The following NUBP1 variants were observed in gnomAD, a reference collection of about 807,000 sequenced individuals.
NUBP1 encodes cytosolic Fe-S cluster assembly factor NUBP1.
A neutral mutation model predicts 41.8 loss-of-function variants in NUBP1; 46 were observed. The observed-to-expected ratio is 1.10, with a 90% CI of 0.87 to 1.41. NUBP1 has a LOEUF of 1.41. NUBP1 is among the 40% of genes most tolerant of loss of function. The pLI, the probability that NUBP1 is intolerant of heterozygous loss-of-function variation, is 0.00. For synonymous variants in NUBP1, 189 were observed against 154.6 expected, an observed-to-expected ratio of 1.22 and a Z score of -1.65; for missense variants, 494 against 414.0, an observed-to-expected ratio of 1.19 and a Z score of -1.68.
Position 10,761,458 on chromosome 16 carries a change from TCTGTC to T in NUBP1, c.704_708del (p.Cys235Ter), listed in dbSNP as rs1482592164. The T allele has an allele frequency of 6.2e-7, 1 of 1,613,970 alleles. No homozygotes were observed. The highest frequency in any genetic ancestry group is 8.5e-7 in the Non-Finnish European group (1 of 1,179,890). ...GTGGTGGAGAACATGAGTGGCTTCA[TCTGTC>T]CTAAGTGCAAGGTGAGGGCGCGTGG... On this transcript the variant is annotated frameshift_variant, in exon 8 of 11. Transcript: ENST00000283027. LOFTEE classifies it high-confidence loss of function.
chr16:10,749,719 T>C lies in NUBP1; in HGVS notation c.258+2443T>C, dbSNP rs891820838. 6.6e-6 allele frequency among the ~76,000 whole-genome samples: 1 copy of C among 152,232 alleles called. No individual in the cohort carries two copies. Among genetic ancestry groups the C allele is most frequent in the Admixed American group, 6.5e-5 (1 of 15,270 alleles). On this transcript the variant is annotated intron_variant, in intron 3 of 10. Coordinates refer to ENST00000283027, the MANE Select transcript of NUBP1 (RefSeq NM_002484.4). This position sits in a 1 kb window ranked among gnomAD's most constrained non-coding sequence, Gnocchi z 4.1. ...GGGTGGTGGGACATGCCCTGACCTT[T>C]TTCTGCCTGCCATCTGGTGGAAGCT...
Position 10,767,110 on chromosome 16 carries a change from CCATGGGCAGTGCAGT to C in NUBP1, c.821-836_821-822del, listed in dbSNP as rs2030996098. ...GGGTTCACCTGAGGCTGGTGACCGG[CCATGGGCAGTGCAGT>C]CACTTGCCTGTTTCGCCAGCAGCTC... On this transcript the variant is annotated intron_variant, in intron 9 of 10. Transcript: ENST00000283027. The surrounding 1 kb of genome is among the most constrained non-coding windows in gnomAD (Gnocchi z 4.6). 2.5e-6 allele frequency: 1 copy of C among 398,850 alleles called. No individual in the cohort carries two copies. Among genetic ancestry groups the C allele is most frequent in the African/African-American group, 2.1e-5 (1 of 48,630 alleles). 24.7% of individuals were successfully genotyped at this position (398,850 alleles called of 1,614,324 possible).
intron 4 of NUBP1, among the ~76,000 whole-genome samples, chr16:10,752,953 C>G (rs976085028): frequency 3.3e-5 from 5 of 152,154 alleles, no homozygotes; most frequent in African/African-American, 1.2e-4. Flanking sequence ...TGCCATCATG[C>G]CCAACTAATT....
intron 3 of NUBP1, among the ~76,000 whole-genome samples, 192 bp from the exon 4 acceptor site, chr16:10,752,418 G>A (rs1221165189): frequency 6.6e-6 from 1 of 152,154 alleles, no homozygotes; most frequent in East Asian, 1.9e-4. Flanking sequence ...AGGGGAATGG[G>A]GGCATCAGTG....
intron 4 of NUBP1, among the ~76,000 whole-genome samples, chr16:10,753,689 AGAG>A (rs1697182525): frequency 6.6e-6 from 1 of 152,118 alleles, no homozygotes; most frequent in Admixed American, 6.5e-5. Context: ...AAACCAACCC[AGAG>A]TGAGGGGATG....
chr16:10,761,631 T>G (rs2029910245), intron 8 of NUBP1, 126 bp from the exon 9 acceptor site: 2 of 972,422 alleles, frequency 2.1e-6, no homozygotes, highest in Admixed American at 5.3e-5. Flanking sequence ...GGAAAGTTCT[T>G]TAGGTGTTAA....
At chr16:10,758,133 G>A (rs1176677132) in intron 7 of NUBP1, 106 bp downstream of exon 7, 4 of 1,326,642 alleles carry the variant, frequency 3.0e-6, no homozygotes, top group South Asian at 1.3e-5. Flanking sequence ...TCTTCCCAGT[G>A]TGTGTTCCGC....
At position 10,743,896 on chromosome 16, in the gene NUBP1, G is replaced by A; in HGVS notation, c.19+14G>A. On this transcript the variant is annotated intron_variant, in intron 1 of 10. Transcript: ENST00000283027. ...AGGTGCCTCACGGTAAGCTCGCGGA[G>A]GGGGCGTGGGTCGCGGGGCGAAAGT... 6.4e-7 allele frequency: 1 copy of A among 1,570,822 alleles called. No homozygotes were observed. Among genetic ancestry groups the A allele is most frequent in the Middle Eastern group, 1.7e-4 (1 of 5,984 alleles).
chr16:10,761,264 T>C (rs1900953515), intron 7 of NUBP1, 100 bp from the exon 8 acceptor site: 6 of 1,077,728 alleles, frequency 5.6e-6, no homozygotes, highest in Admixed American at 2.1e-5. Context: ...TAAGGCTTTA[T>C]GATCGCAGAT....
chr16:10,754,619 A>G (rs2142705322), intron 4 of NUBP1, among the ~76,000 whole-genome samples: 1 of 152,324 alleles, frequency 6.6e-6, no homozygotes, highest in South Asian at 2.1e-4. Context: ...TGAAATGTGC[A>G]GAATAGGTCA....
At chr16:10,762,397 T>G (rs1284884315) in intron 9 of NUBP1, among the ~76,000 whole-genome samples, 1 of 152,168 alleles carries the variant, frequency 6.6e-6, no homozygotes, top group African/African-American at 2.4e-5. Context: ...TCCCAAGAGA[T>G]GCCCACTCCC....
At position 10,743,899 on chromosome 16, in the gene NUBP1, G is replaced by C; in HGVS notation, c.19+17G>C. The C allele has an allele frequency of 6.4e-7, 1 of 1,572,606 alleles. No homozygotes were observed. Among genetic ancestry groups the C allele is most frequent in the Non-Finnish European group, 8.6e-7 (1 of 1,160,878 alleles). ...TGCCTCACGGTAAGCTCGCGGAGGG[G>C]GCGTGGGTCGCGGGGCGAAAGTGTC... is the stretch of plus-strand genomic sequence containing the variant. On this transcript the variant is annotated intron_variant, in intron 1 of 10. Transcript: ENST00000283027.
Position 10,743,868 on chromosome 16 carries a change from A to G in NUBP1, c.5A>G (p.Glu2Gly). M[E>G]EVPHDCPGAD... is the part of the protein sequence containing the mutation. The stretch of plus-strand genomic sequence containing the variant: ...GAAGGCGGCAAAGGCGACGGAATGG[A>G]GGAGGTGCCTCACGGTAAGCTCGCG... The change falls in exon 1 of 11, where the codon GAG (glutamate) becomes GGG (glycine). Residue 2 changes from glutamate (E) to glycine (G), a missense_variant. Physicochemically the swap from Glu to Gly is moderately conservative, Grantham distance 98. Coordinates refer to ENST00000283027, the MANE Select transcript of NUBP1 (RefSeq NM_002484.4). The G allele has an allele frequency of 6.4e-7, 1 of 1,565,562 alleles. No individual in the cohort carries two copies. The highest frequency in any genetic ancestry group is 8.7e-7 in the Non-Finnish European group (1 of 1,155,976).
chr16:10,756,441 T>G (rs964997640), intron 5 of NUBP1, among the ~76,000 whole-genome samples: 7 of 151,400 alleles, frequency 4.6e-5, no homozygotes, highest in African/African-American at 1.7e-4. Context: ...TTTAGCTGAG[T>G]TCCCTGTCAT....
At position 10,759,036 on chromosome 16, in the gene NUBP1, C is replaced by T. The variant is rs1254446120; in HGVS notation, c.606+1009C>T. ...AGTTACGCCTGACTTCTCTTCATGA[C>T]GTTCTCCTCCACACTTAAGAAAGCC... is the stretch of plus-strand genomic sequence containing the variant. On this transcript the variant is annotated intron_variant, in intron 7 of 10. Coordinates refer to ENST00000283027, the MANE Select transcript of NUBP1 (RefSeq NM_002484.4). The surrounding 1 kb of genome is among the most constrained non-coding windows in gnomAD (Gnocchi z 4.7). 1.3e-5 allele frequency among the ~76,000 whole-genome samples: 2 copies of T among 152,206 alleles called. No homozygotes were observed. Among genetic ancestry groups the T allele is most frequent in the African/African-American group, 2.4e-5 (1 of 41,452 alleles).
chr16:10,769,205 G>A lies in NUBP1; in HGVS notation c.*100G>A. 2.9e-6 allele frequency: 3 copies of A among 1,026,222 alleles called. No homozygotes were observed. Among genetic ancestry groups the A allele is most frequent in the South Asian group, 1.4e-5 (1 of 73,722 alleles). 63.6% of individuals were successfully genotyped at this position (1,026,222 alleles called of 1,614,324 possible). ...CAGCTCCGGGATGGGGTGGGTCACAGCAAAAGGACCAGATGCTGGTGTGGT... is the reference window on the plus strand; with the variant it reads ...CAGCTCCGGGATGGGGTGGGTCACAACAAAAGGACCAGATGCTGGTGTGGT... On this transcript the variant is annotated 3_prime_UTR_variant, in exon 11 of 11. Coordinates refer to ENST00000283027, the MANE Select transcript of NUBP1 (RefSeq NM_002484.4).
chr16:10,753,707 G>A (rs1900426073), intron 4 of NUBP1, among the ~76,000 whole-genome samples: 1 of 152,148 alleles, frequency 6.6e-6, no homozygotes, highest in African/African-American at 2.4e-5. Context: ...GGGATGGACA[G>A]TAGGGCAGAG....
At position 10,767,245 on chromosome 16, in the gene NUBP1, C is replaced by T. The variant is rs1324453025; in HGVS notation, c.821-704C>T. ...GGAGGCGAGAACACCCCCATTGACC[C>T]CTAGCCCCTTGTGTCCTGTCCACCT... On this transcript the variant is annotated intron_variant, in intron 9 of 10. Transcript: ENST00000283027. The surrounding 1 kb of genome is among the most constrained non-coding windows in gnomAD (Gnocchi z 4.6). The T allele has an allele frequency of 5.0e-6, 2 of 399,708 alleles. No individual in the cohort carries two copies. Among genetic ancestry groups the T allele is most frequent in the Non-Finnish European group, 8.8e-6 (2 of 227,088 alleles). 24.8% of individuals were successfully genotyped at this position (399,708 alleles called of 1,614,324 possible).
rs555613648 is a variant in NUBP1, at chr16:10,756,160, C to G, written c.360+407C>G. Among the ~76,000 whole-genome samples the G allele has an allele frequency of 7.9e-5, 12 of 152,318 alleles. No individual in the cohort carries two copies. In the East Asian group the frequency reaches 2.1e-3, roughly 27 times the overall value. ...TTAGGAGGCCAAGCCAGGCAGATCACTTGAGGCCAGGAGTTCGAGACCAGC... is the reference window on the plus strand; with the variant it reads ...TTAGGAGGCCAAGCCAGGCAGATCAGTTGAGGCCAGGAGTTCGAGACCAGC... On this transcript the variant is annotated intron_variant, in intron 5 of 10. Transcript: ENST00000283027.
Sources: allele counts gnomAD v4.1 joint callset (sites outside exome capture counted in the v4.1 genomes callset), GRCh38; gene constraint gnomAD v4.1.1; non-coding constraint Gnocchi (gnomAD v3.1); transcripts MANE v1.5; gene names NCBI Gene and HGNC (gene_info 2026-07-23, HGNC 2026-07-21).